Variants in MMP26 observed in about 807,000 individuals in gnomAD.
MMP26 encodes the protein matrix metalloproteinase-26.
A neutral mutation model predicts 31.0 loss-of-function variants in MMP26; 33 were observed. The ratio of observed to expected loss-of-function variants is 1.06; its 90% CI spans 0.81 to 1.42. The LOEUF (loss-of-function observed/expected upper bound fraction) is 1.42. Ranked by LOEUF, MMP26 falls within the 40% of genes most tolerant of loss-of-function variation. The pLI, the probability that MMP26 is intolerant of heterozygous loss-of-function variation, is 0.00. For synonymous variants in MMP26, 122 were observed against 114.9 expected (o/e 1.06, Z -0.40); for missense variants, 347 against 316.1 (o/e 1.10, Z -0.74).
At chr11:4,795,664 A>G (rs1326355132) in intron 2 of MMP26, among the ~76,000 whole-genome samples, 1 of 152,234 alleles carries the variant, frequency 6.6e-6, no homozygotes. Context: ...AAACATAAGA[A>G]CACTTGTCCT....
intron 2 of MMP26, among the ~76,000 whole-genome samples, chr11:4,852,178 G>A (rs190808364): frequency 6.6e-6 from 1 of 151,912 alleles, no homozygotes; most frequent in East Asian, 1.9e-4. Flanking sequence ...CATATATAAA[G>A]AACACTAGAT....
At chr11:4,822,775 A>G (rs779784617) in intron 2 of MMP26, among the ~76,000 whole-genome samples, 2 of 152,166 alleles carry the variant, frequency 1.3e-5, no homozygotes, top group Non-Finnish European at 2.9e-5. Flanking sequence ...TTGATTATAT[A>G]TGCGATTCCA....
chr11:4,770,304 A>C (rs1848699358), intron 2 of MMP26, among the ~76,000 whole-genome samples: 1 of 152,246 alleles, frequency 6.6e-6, no homozygotes, highest in South Asian at 2.1e-4. Flanking sequence ...ACAATGAATA[A>C]TAGCCACTTA....
intron 2 of MMP26, chr11:4,848,582 C>A (rs775384301): frequency 6.2e-7 from 1 of 1,606,442 alleles, no homozygotes; most frequent in Non-Finnish European, 8.5e-7. Flanking sequence ...CTGAAAGAAC[C>A]ACAAATAGGC....
chr11:4,958,293 C>T (rs1288752194), intron 2 of MMP26, among the ~76,000 whole-genome samples: 1 of 152,224 alleles, frequency 6.6e-6, no homozygotes, highest in African/African-American at 2.4e-5. Context: ...GTTTTTACCT[C>T]TTGCTAGCGC....
At chr11:4,746,668 T>G (rs1352181423) in intron 1 of MMP26, among the ~76,000 whole-genome samples, 1 of 152,126 alleles carries the variant, frequency 6.6e-6, no homozygotes, top group Non-Finnish European at 1.5e-5. Flanking sequence ...ACCCCGTCTC[T>G]GCTAAAAATA....
chr11:4,823,168 T>C (rs1849534351), intron 2 of MMP26, among the ~76,000 whole-genome samples: 1 of 151,220 alleles, frequency 6.6e-6, no homozygotes, highest in Admixed American at 6.6e-5. Context: ...ATAGATACTT[T>C]ATAGCTGGTT....
intron 2 of MMP26, among the ~76,000 whole-genome samples, chr11:4,911,803 G>T (rs767596274): frequency 1.3e-5 from 2 of 152,120 alleles, no homozygotes; most frequent in Non-Finnish European, 2.9e-5. Context: ...TTATGAAATA[G>T]TTAATCATTT....
chr11:4,742,302 A>G (rs768058135), intron 1 of MMP26, among the ~76,000 whole-genome samples: 6 of 152,228 alleles, frequency 3.9e-5, no homozygotes, highest in Non-Finnish European at 8.8e-5. Context: ...TAGTGTGGAT[A>G]GTAAATTTGG....
intron 2 of MMP26, among the ~76,000 whole-genome samples, chr11:4,816,877 T>G (rs1849428181): frequency 6.7e-6 from 1 of 150,184 alleles, no homozygotes. Context: ...CTAATTTTTT[T>G]TTTTTAATAT....
intron 1 of MMP26, among the ~76,000 whole-genome samples, chr11:4,746,528 G>T (rs1361629019): frequency 6.6e-6 from 1 of 152,076 alleles, no homozygotes; most frequent in Non-Finnish European, 1.5e-5. Context: ...ACATGCTGTT[G>T]TTAAAGATGA....
At chr11:4,727,510 T>G (rs1848116882) in intron 1 of MMP26, among the ~76,000 whole-genome samples, 2 of 152,122 alleles carry the variant, frequency 1.3e-5, no homozygotes, top group African/African-American at 4.8e-5. Flanking sequence ...ATGACAATCC[T>G]AATAAAAAAA....
chr11:4,715,048 A>G (rs1335233288), intron 1 of MMP26, among the ~76,000 whole-genome samples: 1 of 152,154 alleles, frequency 6.6e-6, no homozygotes, highest in Non-Finnish European at 1.5e-5. Flanking sequence ...TGTTTTAAAT[A>G]GACAAAATTG....
chr11:4,827,560 A>G (rs1849594306), intron 2 of MMP26, among the ~76,000 whole-genome samples: 1 of 152,008 alleles, frequency 6.6e-6, no homozygotes, highest in Admixed American at 6.6e-5. Context: ...GCTGAGAGAA[A>G]AATGCTTTTG....
chr11:4,744,177 A>G (rs1036322045), intron 1 of MMP26, among the ~76,000 whole-genome samples: 8 of 152,144 alleles, frequency 5.3e-5, no homozygotes, highest in Non-Finnish European at 1.2e-4. Context: ...AGAAATCTCA[A>G]CTAGGTTTCA....
In MMP26 at chr11:4,948,518, C is replaced by T. The variant is rs2133609051; in HGVS notation, c.-144-39550C>T. Among the ~76,000 whole-genome samples, 2 of 123,484 alleles carry T rather than the reference C, an allele frequency of 1.6e-5. 1 individual carries two copies. The highest frequency in any genetic ancestry group is 8.3e-3 in the Middle Eastern group (2 of 242). 81.0% of individuals were successfully genotyped at this position (123,484 alleles called of 152,430 possible). On this transcript the variant is annotated intron_variant, in intron 2 of 7. Transcript: ENST00000380390. ...CAAGCAATATTTAAGGAGTTATGAA[C>T]TGAATGTACAGCTGGAATTGTGTAT...
intron 1 of MMP26, among the ~76,000 whole-genome samples, chr11:4,749,682 A>G (rs1822524777): frequency 6.6e-6 from 1 of 152,140 alleles, no homozygotes; most frequent in African/African-American, 2.4e-5. Context: ...TGGGGAAAGG[A>G]CAGAAACCCT....
At chr11:4,713,052 T>C (rs969213781) in intron 1 of MMP26, among the ~76,000 whole-genome samples, 3 of 152,012 alleles carry the variant, frequency 2.0e-5, no homozygotes, top group African/African-American at 4.8e-5. Context: ...GTCTTCTAAA[T>C]TGACATTTCT....
chr11:4,790,344 G>A lies in MMP26; in HGVS notation c.-145+23003G>A, dbSNP rs952936613. On this transcript the variant is annotated intron_variant, in intron 2 of 7. Coordinates refer to ENST00000380390, the MANE Select transcript of MMP26 (RefSeq NM_021801.5). ...AGCCTGGGCAACAGAGTGAGACTCT[G>A]TCTCAAAAACAAACAAACAAAAAAA... 2.0e-5 allele frequency among the ~76,000 whole-genome samples: 3 copies of A among 152,090 alleles called. No individual in the cohort carries two copies. The South Asian group carries it at 6.2e-4, about 32-fold the overall frequency.
Sources: gnomAD v4.1 joint callset for allele counts (sites outside exome capture counted in the v4.1 genomes callset) on GRCh38, gnomAD v4.1.1 for gene constraint, MANE v1.5 for transcripts, NCBI Gene and HGNC (gene_info 2026-07-23, HGNC 2026-07-21) for gene names.